RBFOX2: variants seen among roughly 807,000 people sequenced by gnomAD.
RBFOX2 encodes RNA binding protein fox-1 homolog 2.
Under a neutral mutation model 49.1 loss-of-function variants are expected in RBFOX2, and 10 were observed. The ratio of observed to expected loss-of-function variants is 0.20; its 90% CI spans 0.13 to 0.35. The LOEUF is 0.35. Among genes scored for constraint, RBFOX2 ranks in the 10% least tolerant of loss-of-function variants. RBFOX2 has a pLI of 1.00. For synonymous variants in RBFOX2, 183 were observed against 187.4 expected, an observed-to-expected ratio of 0.98 and a Z score of 0.19; for missense variants, 323 against 486.9, an observed-to-expected ratio of 0.66 and a Z score of 3.17.
intron 1 of RBFOX2, among the ~76,000 whole-genome samples, chr22:35,891,514 T>C (rs2047241121): frequency 1.3e-5 from 2 of 152,224 alleles, no homozygotes; most frequent in African/African-American, 2.4e-5. Flanking sequence ...TCATTAAATG[T>C]TGGCTGAACT....
intron 1 of RBFOX2, among the ~76,000 whole-genome samples, chr22:35,812,156 G>C (rs902436417): frequency 1.3e-5 from 2 of 151,724 alleles, no homozygotes; most frequent in African/African-American, 4.8e-5. Flanking sequence ...AGATATCTTG[G>C]AAGCTGAGGC....
intron 1 of RBFOX2, chr22:36,000,375 G>A (rs991236933): frequency 2.0e-5 from 3 of 152,140 alleles, no homozygotes; most frequent in African/African-American, 7.2e-5. Context: ...CAGAGGGATT[G>A]CTAGACAATA....
chr22:35,809,355 G>C (rs1223832014), intron 2 of RBFOX2, among the ~76,000 whole-genome samples: 1 of 152,132 alleles, frequency 6.6e-6, no homozygotes, highest in Non-Finnish European at 1.5e-5. Context: ...TAGTTTTAGA[G>C]TTATGGTTGT....
chr22:35,906,049 C>T (rs2049091996), intron 1 of RBFOX2, among the ~76,000 whole-genome samples: 1 of 152,100 alleles, frequency 6.6e-6, no homozygotes, highest in Non-Finnish European at 1.5e-5. Context: ...TGTGTAAGTA[C>T]ATTCTATGAT....
chr22:35,816,369 T>C (rs1198682910), intron 1 of RBFOX2, among the ~76,000 whole-genome samples: 1 of 152,176 alleles, frequency 6.6e-6, no homozygotes, highest in Non-Finnish European at 1.5e-5. Context: ...GTAGAATTGT[T>C]TTGCTTTTCT....
At chr22:35,768,699 C>T (rs117771755) in intron 4 of RBFOX2, among the ~76,000 whole-genome samples, 3 of 152,200 alleles carry the variant, frequency 2.0e-5, no homozygotes, top group African/African-American at 4.8e-5. Flanking sequence ...TCTCTCAATT[C>T]ATGTTATTAA....
chr22:35,795,168 G>A (rs763516840), intron 2 of RBFOX2, among the ~76,000 whole-genome samples: 1 of 151,776 alleles, frequency 6.6e-6, no homozygotes, highest in Non-Finnish European at 1.5e-5. Flanking sequence ...AAGGACAGAT[G>A]TAATTATTTT....
In RBFOX2 at chr22:35,746,432, C is replaced by A. The variant is rs567977911; in HGVS notation, c.976+41G>T. On this transcript the variant is annotated intron_variant, in intron 10 of 11. Coordinates refer to ENST00000405409, the Ensembl canonical transcript of RBFOX2. ...TGGGTGACATTTTGGGATGGAACAG[C>A]TCTCATGCATCCCAAAGCTCACCAC... is the stretch of plus-strand genomic sequence containing the variant. The A allele has an allele frequency of 4.1e-6, 6 of 1,458,074 alleles. No homozygotes were observed. In the South Asian group the frequency reaches 7.5e-5, roughly 18 times the overall value. The allele number at this position is 1,458,074 out of a possible 1,614,324, so 90.3% of individuals were successfully genotyped here.
intron 2 of RBFOX2, among the ~76,000 whole-genome samples, chr22:35,794,726 G>A (rs1410728963): frequency 1.3e-5 from 2 of 151,988 alleles, no homozygotes; most frequent in Non-Finnish European, 2.9e-5. Context: ...ATTTTCAAGA[G>A]GTAGTATAAA....
chr22:35,979,570 C>T (rs1391235450), intron 1 of RBFOX2, among the ~76,000 whole-genome samples: 4 of 152,178 alleles, frequency 2.6e-5, no homozygotes, highest in African/African-American at 4.8e-5. Context: ...CACACAAACA[C>T]ACAGAGTGAG....
In RBFOX2 at chr22:35,756,090, AGT is replaced by A. The variant is rs752994868; in HGVS notation, c.887+3796_887+3797del. On this transcript the variant is annotated intron_variant, in intron 9 of 11. Coordinates refer to ENST00000405409, the Ensembl canonical transcript of RBFOX2. The stretch of plus-strand genomic sequence containing the variant: ...CAGGGGATGGGGTCGAGAAGGCCCC[AGT>A]GTGTGTACTTACATAGAGGTCAGCA... The A allele has an allele frequency of 1.4e-6, 2 of 1,405,386 alleles. No homozygotes were observed. Among genetic ancestry groups the A allele is most frequent in the Admixed American group, 2.5e-5 (1 of 40,678 alleles). The allele number at this position is 1,405,386 out of a possible 1,614,324, so 87.1% of individuals were successfully genotyped here. A position where few individuals can be genotyped will look rare whatever the true frequency, so the allele number is the denominator to read the frequency against.
chr22:36,026,717 C>CA (rs2059452876), intron 1 of RBFOX2, among the ~76,000 whole-genome samples: 1 of 152,142 alleles, frequency 6.6e-6, no homozygotes, highest in Non-Finnish European at 1.5e-5. Context: ...CTCTGCCTGA[C>CA]AGAGTTCTAA....
chr22:35,987,395 T>C (rs1408614089), intron 1 of RBFOX2, among the ~76,000 whole-genome samples: 1 of 152,180 alleles, frequency 6.6e-6, no homozygotes, highest in African/African-American at 2.4e-5. Flanking sequence ...CACAAACAAA[T>C]GCACTTAGCA....
At chr22:36,007,190 CTT>C (rs2058651113) in intron 1 of RBFOX2, among the ~76,000 whole-genome samples, 1 of 152,072 alleles carries the variant, frequency 6.6e-6, no homozygotes, top group African/African-American at 2.4e-5. Flanking sequence ...TTAATCATCT[CTT>C]ATCTACCCCT....
chr22:35,740,816 A>G (rs1313963694), exon 12 of RBFOX2: 3 of 152,172 alleles, frequency 2.0e-5, no homozygotes, highest in Non-Finnish European at 2.9e-5. Flanking sequence ...TGGAAGCTAT[A>G]TAACTAGTTA....
At chr22:35,791,202 T>C (rs1454864851) in intron 2 of RBFOX2, among the ~76,000 whole-genome samples, 1 of 152,058 alleles carries the variant, frequency 6.6e-6, no homozygotes. Context: ...CTGGCCAACA[T>C]GGTGAAACCT....
At chr22:35,898,620 G>T (rs1205251389) in intron 1 of RBFOX2, among the ~76,000 whole-genome samples, 1 of 151,626 alleles carries the variant, frequency 6.6e-6, no homozygotes, top group African/African-American at 2.4e-5. Flanking sequence ...TAGAAACGGG[G>T]TTTCACTATG....
chr22:35,744,731 T>C (rs1033557087), intron 11 of RBFOX2, among the ~76,000 whole-genome samples: 10 of 152,240 alleles, frequency 6.6e-5, no homozygotes, highest in Non-Finnish European at 1.3e-4. Flanking sequence ...GTGCCACATC[T>C]AAACCTGAGC....
At chr22:35,961,484 C>A in intron 1 of RBFOX2, 1 of 1,293,060 alleles carries the variant, frequency 7.7e-7, no homozygotes, top group African/African-American at 1.5e-5. Flanking sequence ...AACTGGACTC[C>A]CCACACCTTA....
Sources: allele counts gnomAD v4.1 joint callset (sites outside exome capture counted in the v4.1 genomes callset), GRCh38; gene constraint gnomAD v4.1.1; transcripts MANE v1.5; gene names NCBI Gene and HGNC (gene_info 2026-07-23, HGNC 2026-07-21).